Variants in DPP6 observed in about 807,000 individuals in gnomAD.
DPP6 encodes dipeptidyl peptidase like 6, also known as A-type potassium channel modulatory protein DPP6.
A neutral mutation model predicts 122.6 loss-of-function variants in DPP6; 69 were observed. The observed-to-expected ratio is 0.56, with a 90% CI of 0.46 to 0.69. The LOEUF is 0.69. Ranked by LOEUF, DPP6 falls within the 30% of genes least tolerant of loss-of-function variation. The pLI, the probability that DPP6 is intolerant of heterozygous loss-of-function variation, is 0.00. For synonymous variants in DPP6, 418 were observed against 433.1 expected, an observed-to-expected ratio of 0.97 and a Z score of 0.43; for missense variants, 928 against 1,116.9, an observed-to-expected ratio of 0.83 and a Z score of 2.41.
chr7:154,855,660 C>T (rs994939850), intron 17 of DPP6, among the ~76,000 whole-genome samples: 2 of 152,156 alleles, frequency 1.3e-5, no homozygotes, highest in South Asian at 2.1e-4. Flanking sequence ...TCCAGGAGGC[C>T]GCAGAGGCCA....
intron 5 of DPP6, chr7:154,587,445 C>T (rs117799079): frequency 0.012 from 7,748 of 622,758 alleles, 64 homozygotes; most frequent in Non-Finnish European, 0.016. Flanking sequence ...CTGTGCATCC[C>T]ACACAGCCTG....
At chr7:154,263,888 G>A (rs774445479) in intron 1 of DPP6, among the ~76,000 whole-genome samples, 6 of 151,958 alleles carry the variant, frequency 3.9e-5, no homozygotes, top group African/African-American at 9.6e-5. Context: ...ATGAGGTTTC[G>A]CCATGTTTGC....
chr7:153,843,601 A>G, the DPP6 span, among the ~76,000 whole-genome samples: 2 of 152,144 alleles, frequency 1.3e-5, no homozygotes, highest in African/African-American at 4.8e-5. Flanking sequence ...GGGGTAGGTT[A>G]GTGAGGGATT....
At chr7:154,489,515 A>G (rs1387391239) in intron 3 of DPP6, among the ~76,000 whole-genome samples, 1 of 152,164 alleles carries the variant, frequency 6.6e-6, no homozygotes, top group African/African-American at 2.4e-5. Flanking sequence ...AGAAATAGAT[A>G]TAGCATCTGG....
chr7:154,558,557 A>G lies in DPP6; in HGVS notation c.553-8285A>G, dbSNP rs187487174. ...CCTAAGATTATAATATCATATTTTT[A>G]TTGTATCTTTTTTATGTTTAGATAT... is the stretch of plus-strand genomic sequence containing the variant. On this transcript the variant is annotated intron_variant, in intron 4 of 25. Coordinates refer to ENST00000377770, the MANE Select transcript of DPP6 (RefSeq NM_130797.4). Among the ~76,000 whole-genome samples the G allele has an allele frequency of 3.2e-4, 49 of 152,330 alleles. No individual in the cohort carries two copies. The East Asian group carries it at 7.1e-3, about 22-fold the overall frequency.
chr7:154,811,929 AC>A (rs1243725136), intron 16 of DPP6, among the ~76,000 whole-genome samples: 1 of 152,188 alleles, frequency 6.6e-6, no homozygotes, highest in East Asian at 1.9e-4. Flanking sequence ...TCTAGTTGCA[AC>A]CAGAACCAAA....
chr7:153,806,347 C>T, the DPP6 span, among the ~76,000 whole-genome samples: 8 of 151,754 alleles, frequency 5.3e-5, no homozygotes, highest in Admixed American at 1.3e-4. Flanking sequence ...ATTCTAAGCA[C>T]TTTATACTCC....
chr7:154,529,373 A>T (rs1159348963), intron 3 of DPP6, among the ~76,000 whole-genome samples: 4 of 152,238 alleles, frequency 2.6e-5, no homozygotes, highest in African/African-American at 9.6e-5. Flanking sequence ...TACCCAAGAA[A>T]CAAACTTGGC....
intron 8 of DPP6, among the ~76,000 whole-genome samples, chr7:154,763,662 G>A (rs1298449465): frequency 2.6e-5 from 4 of 152,172 alleles, no homozygotes; most frequent in Admixed American, 2.6e-4. Context: ...GTCCTAAAGA[G>A]CCTATTCTGC....
In DPP6 at chr7:153,958,938, C is replaced by G. The variant is rs553669163; in HGVS notation, c.51+71204C>G. ...GCTCAGTATGCACCTTCCCACACCC[C>G]CTGCTTGTAGTAATAATCTTTACCT... On this transcript the variant is annotated intron_variant, in intron 1 of 25. Transcript: ENST00000404039. Among the ~76,000 whole-genome samples, 632 of 152,074 alleles carry G rather than the reference C, an allele frequency of 4.2e-3. 4 individuals are homozygous for G. Among genetic ancestry groups the G allele is most frequent in the African/African-American group, 0.014 (599 of 41,474 alleles).
chr7:153,755,406 CT>C, the DPP6 span, among the ~76,000 whole-genome samples: 1 of 142,978 alleles, frequency 7.0e-6, no homozygotes, highest in South Asian at 2.4e-4. Context: ...TCTTTCTCTA[CT>C]CTTCTTTCAT....
At chr7:153,892,401 C>G (rs552634243) in intron 1 of DPP6, among the ~76,000 whole-genome samples, 5 of 152,112 alleles carry the variant, frequency 3.3e-5, no homozygotes, top group Non-Finnish European at 7.4e-5. Flanking sequence ...GCAGCCTTCA[C>G]CTCCCAGGTT....
At chr7:154,575,139 G>A (rs1831476641) in intron 5 of DPP6, among the ~76,000 whole-genome samples, 1 of 140,642 alleles carries the variant, frequency 7.1e-6, no homozygotes, top group Non-Finnish European at 1.5e-5. Context: ...TGTGTGGTAT[G>A]TGTATGTGTG....
At chr7:153,920,376 G>A (rs1800573403) in intron 1 of DPP6, among the ~76,000 whole-genome samples, 2 of 152,084 alleles carry the variant, frequency 1.3e-5, no homozygotes, top group South Asian at 4.1e-4. Flanking sequence ...GCGATGCTGT[G>A]TGGCAACAAT....
At chr7:154,369,021 G>A (rs12703348) in intron 1 of DPP6, among the ~76,000 whole-genome samples, 13,650 of 152,158 alleles carry the variant, frequency 0.09, 766 homozygotes, top group African/African-American at 0.15. Flanking sequence ...CCAGGCCTGC[G>A]CAATATCCAT....
intron 1 of DPP6, among the ~76,000 whole-genome samples, chr7:154,181,319 G>A (rs1177539403): frequency 6.6e-6 from 1 of 152,184 alleles, no homozygotes; most frequent in African/African-American, 2.4e-5. Context: ...TGTCCAGAGA[G>A]TGGTGACAAG....
chr7:154,543,923 G>C (rs939383343), intron 4 of DPP6, among the ~76,000 whole-genome samples: 1 of 143,848 alleles, frequency 7.0e-6, no homozygotes, highest in Non-Finnish European at 1.5e-5. Flanking sequence ...GAACCTGAGA[G>C]TTGGAGGTTG....
chr7:153,928,115 AC>A (rs869154934), intron 1 of DPP6, among the ~76,000 whole-genome samples: 12 of 134,842 alleles, frequency 8.9e-5, no homozygotes, highest in South Asian at 2.9e-4. Context: ...TAGCTTAAAA[AC>A]AGCAGAAATT....
chr7:154,306,194 C>G (rs1411370404), intron 1 of DPP6, among the ~76,000 whole-genome samples: 1 of 152,174 alleles, frequency 6.6e-6, no homozygotes, highest in Non-Finnish European at 1.5e-5. Flanking sequence ...ACGGGGAAGG[C>G]TGCGTGGGTC....
Sources: gnomAD v4.1 joint callset for allele counts (sites outside exome capture counted in the v4.1 genomes callset) on GRCh38, gnomAD v4.1.1 for gene constraint, MANE v1.5 for transcripts, NCBI Gene and HGNC (gene_info 2026-07-23, HGNC 2026-07-21) for gene names.